GSN: variants seen among roughly 807,000 people sequenced by gnomAD.
GSN encodes the protein actin-depolymerizing factor.
In GSN, 56 loss-of-function variants were observed where a neutral mutation model predicts 85.7. The ratio of observed to expected loss-of-function variants is 0.65; its 90% CI spans 0.53 to 0.82. The LOEUF (loss-of-function observed/expected upper bound fraction) is 0.82. Among genes scored for constraint, GSN ranks in the 40% least tolerant of loss-of-function variants. The pLI is 0.00. For synonymous variants in GSN, 373 were observed against 399.1 expected (o/e 0.93, Z 0.78); for missense variants, 857 against 979.8 (o/e 0.87, Z 1.67).
At chr9:121,310,289 T>C (rs2060947415) in intron 4 of GSN, 2 of 327,132 alleles carry the variant, frequency 6.1e-6, no homozygotes, top group Admixed American at 9.0e-5. Flanking sequence ...GCAGAATGTC[T>C]TAGGGGACTA....
Position 121,261,747 on chromosome 9 carries a change from G to C in GSN, c.-340-3407G>C, listed in dbSNP as rs898782682. Among the ~76,000 whole-genome samples the C allele has an allele frequency of 6.6e-6, 1 of 152,154 alleles. No homozygotes were observed. Among genetic ancestry groups the C allele is most frequent in the Non-Finnish European group, 1.5e-5 (1 of 68,030 alleles). ...GCTCATTCACCTTAAACACCTCCAC[G>C]CCCGTACCTAGGGGGTTCCCATGAT... On this transcript the variant is annotated intron_variant, in intron 6 of 24. Coordinates refer to the GSN transcript ENST00000373823. The surrounding 1 kb of genome is among the most constrained non-coding windows in gnomAD (Gnocchi z 4.1).
intron 5 of GSN, among the ~76,000 whole-genome samples, chr9:121,242,451 GA>G (rs912023665): frequency 7.3e-5 from 11 of 150,978 alleles, no homozygotes; most frequent in African/African-American, 2.7e-4. Flanking sequence ...CTGTCCTCTG[GA>G]AAAAGGGGGA....
At chr9:121,205,987 C>G (rs1040311433), upstream of GSN, among the ~76,000 whole-genome samples, 4 of 150,930 alleles carry the variant, frequency 2.7e-5, no homozygotes, top group Non-Finnish European at 5.9e-5. Flanking sequence ...TGGAGATTCC[C>G]CCCTACCCCT....
At chr9:121,320,652 CAAAAAAAAAA>C (rs564880956) in intron 10 of GSN, among the ~76,000 whole-genome samples, 1 of 81,842 alleles carries the variant, frequency 1.2e-5, no homozygotes, top group East Asian at 3.3e-4. Context: ...TCTCAAAAAA[CAAAAAAAAAA>C]AAAAGAAAAA....
chr9:121,262,525 G>A (rs768096573), intron 6 of GSN, among the ~76,000 whole-genome samples: 8 of 152,204 alleles, frequency 5.3e-5, no homozygotes, highest in Non-Finnish European at 1.0e-4. Flanking sequence ...GCTCTGTTAA[G>A]CTGTGGAGGA....
chr9:121,254,702 G>A (rs1392488737), intron 6 of GSN, among the ~76,000 whole-genome samples: 1 of 152,138 alleles, frequency 6.6e-6, no homozygotes, highest in Non-Finnish European at 1.5e-5. Context: ...GTAGCAATAT[G>A]TTTGTGTCTC....
At chr9:121,212,073 CT>C (rs1037927627) in intron 4 of GSN, among the ~76,000 whole-genome samples, 16 of 152,158 alleles carry the variant, frequency 1.1e-4, no homozygotes, top group Admixed American at 1.0e-3. Flanking sequence ...CAGTGACCAC[CT>C]TCCCGTTTTT....
chr9:121,287,049 G>A (rs116082530), intron 2 of GSN, among the ~76,000 whole-genome samples: 3 of 152,300 alleles, frequency 2.0e-5, no homozygotes, highest in African/African-American at 7.2e-5. Context: ...ACACAAGGGA[G>A]TGGCTGAGAC....
chr9:121,297,015 C>T (rs1303407377), intron 2 of GSN, among the ~76,000 whole-genome samples: 7 of 152,258 alleles, frequency 4.6e-5, no homozygotes, highest in African/African-American at 1.7e-4. Context: ...ACCAACTATG[C>T]AGGTCAGAGT....
upstream of GSN, chr9:121,268,127 G>C (rs900524167): frequency 2.6e-4 from 40 of 151,556 alleles, no homozygotes; most frequent in Middle Eastern, 6.9e-3. Context: ...GCCCACCCCG[G>C]CCGCGCGCAC....
chr9:121,271,237 C>T (rs2055897666), intron 1 of GSN, among the ~76,000 whole-genome samples: 1 of 152,126 alleles, frequency 6.6e-6, no homozygotes, highest in South Asian at 2.1e-4. Flanking sequence ...TCCTGTAATC[C>T]TAGCTACTTG....
intron 4 of GSN, among the ~76,000 whole-genome samples, chr9:121,221,612 C>T (rs1466537196): frequency 6.6e-6 from 1 of 152,222 alleles, no homozygotes; most frequent in African/African-American, 2.4e-5. Flanking sequence ...GGTTCGAGTG[C>T]TAGAGTGACC....
At chr9:121,220,533 A>C (rs995985421) in intron 4 of GSN, among the ~76,000 whole-genome samples, 1 of 146,640 alleles carries the variant, frequency 6.8e-6, no homozygotes, top group African/African-American at 2.4e-5. Context: ...ACGGTCACTC[A>C]GCCAATGGGT....
At position 121,251,184 on chromosome 9, in the gene GSN, G is replaced by GTTTTTTTTTT. The variant is rs1339859188; in HGVS notation, c.-341+2863_-341+2864insTTTTTTTTTT. ...AGTATAACATACCTACAGCTGATGTGTTCTTTTTTTTTTTTTGAGATGGAT... is the reference window on the plus strand; with the variant it reads ...AGTATAACATACCTACAGCTGATGTGTTTTTTTTTTTTCTTTTTTTTTTTTTGAGATGGAT... On this transcript the variant is annotated intron_variant, in intron 6 of 24. Transcript: ENST00000373823. 4.7e-4 allele frequency among the ~76,000 whole-genome samples: 3 copies of GTTTTTTTTTT among 6,370 alleles called. 1 individual carries two copies. Among genetic ancestry groups the GTTTTTTTTTT allele is most frequent in the East Asian group, 5.4e-3 (1 of 184 alleles). 4.2% of individuals were successfully genotyped at this position (6,370 alleles called of 152,430 possible).
chr9:121,317,871 C>G (rs888424211), intron 8 of GSN: 1 of 191,346 alleles, frequency 5.2e-6, no homozygotes, highest in Non-Finnish European at 1.1e-5. Flanking sequence ...GAGAGAGAGA[C>G]ACTATTATGA....
At chr9:121,297,490 A>C (rs1752235656) in intron 2 of GSN, among the ~76,000 whole-genome samples, 1 of 152,168 alleles carries the variant, frequency 6.6e-6, no homozygotes, top group Non-Finnish European at 1.5e-5. Context: ...TTGAGGATGA[A>C]ATTCTCCTCC....
At chr9:121,219,819 G>A (rs1159314964) in intron 4 of GSN, among the ~76,000 whole-genome samples, 1 of 151,840 alleles carries the variant, frequency 6.6e-6, no homozygotes, top group Non-Finnish European at 1.5e-5. Flanking sequence ...GATGGAAACT[G>A]CAAACCCGGT....
rs151274360 is a variant in GSN, at chr9:121,304,228, G to A, written c.351+1163G>A. ...GGAAAGTGCCAGTGAGACTCAGATAGCAATGGGCAGGGTGTGTCCTGGGAA... is the reference window on the plus strand; with the variant it reads ...GGAAAGTGCCAGTGAGACTCAGATAACAATGGGCAGGGTGTGTCCTGGGAA... On this transcript the variant is annotated intron_variant, in intron 4 of 17. Coordinates refer to ENST00000432226, the MANE Select transcript of GSN (RefSeq NM_198252.3). Among the ~76,000 whole-genome samples the A allele has an allele frequency of 1.8e-4, 27 of 152,296 alleles. No homozygotes were observed. In the East Asian group the frequency reaches 3.5e-3, roughly 20 times the overall value.
At chr9:121,238,881 C>T (rs2054548064) in intron 5 of GSN, 2 of 533,474 alleles carry the variant, frequency 3.7e-6, no homozygotes. Flanking sequence ...AATAGCTTGC[C>T]TACAGCTGGT....
Sources: allele counts gnomAD v4.1 joint callset (sites outside exome capture counted in the v4.1 genomes callset), GRCh38; gene constraint gnomAD v4.1.1; non-coding constraint Gnocchi (gnomAD v3.1); transcripts MANE v1.5; gene names NCBI Gene and HGNC (gene_info 2026-07-23, HGNC 2026-07-21).